The following TSC22D3 variants were observed in gnomAD, a reference collection of about 807,000 sequenced individuals.
The protein encoded by TSC22D3 is TSC22 domain family member 3.
Under a neutral mutation model 11.1 loss-of-function variants are expected in TSC22D3, and 4 were observed. That is an observed-to-expected ratio of 0.36 (90% CI 0.18 to 0.83). The LOEUF (loss-of-function observed/expected upper bound fraction) is 0.83. TSC22D3 is among the 40% of genes least tolerant of loss of function. The pLI, the probability that TSC22D3 is intolerant of heterozygous loss-of-function variation, is 0.48. For synonymous variants in TSC22D3, 77 were observed against 70.3 expected (o/e 1.10, Z -0.48); for missense variants, 118 against 159.4 (o/e 0.74, Z 1.40).
intron 1 of TSC22D3, among the ~76,000 whole-genome samples, chrX:107,755,293 C>G (rs1051020059): frequency 5.3e-5 from 6 of 112,313 alleles, no homozygotes; most frequent in Admixed American, 1.9e-4. Flanking sequence ...AATGTATGAA[C>G]AAAGGACTTT....
At chrX:107,729,868 T>C (rs1490763040) in intron 1 of TSC22D3, among the ~76,000 whole-genome samples, 3 of 112,938 alleles carry the variant, frequency 2.7e-5, no homozygotes, top group Non-Finnish European at 3.7e-5. Context: ...TTAAAATAAG[T>C]GGGCGGAATG....
chrX:107,714,765 T>A lies in TSC22D3; in HGVS notation c.373-16A>T. On this transcript the variant is annotated splice_polypyrimidine_tract_variant and intron_variant, in intron 2 of 2. Coordinates refer to ENST00000372383, the MANE Select transcript of TSC22D3 (RefSeq NM_198057.3). ...TCACCAGATCCTGCCAATGAGGGAA[T>A]CATAACAAAGCCATTCCTTAGCCAT... is the stretch of plus-strand genomic sequence containing the variant. 3 of 1,201,441 alleles carry A rather than the reference T, an allele frequency of 2.5e-6. No individual in the cohort carries two copies. Among genetic ancestry groups the A allele is most frequent in the Non-Finnish European group, 3.4e-6 (3 of 886,516 alleles).
At chrX:107,727,167 G>T (rs946288159) in intron 1 of TSC22D3, among the ~76,000 whole-genome samples, 5 of 112,055 alleles carry the variant, frequency 4.5e-5, no homozygotes, top group Non-Finnish European at 9.4e-5. Context: ...TGATGGGTTT[G>T]GCCTACAGAG....
Position 107,713,430 on chromosome X carries a change from A to G in TSC22D3, c.*1089T>C, listed in dbSNP as rs960863977. On this transcript the variant is annotated 3_prime_UTR_variant, in exon 3 of 3. Transcript: ENST00000372383. Reference sequence around the variant, plus strand: ...ATCCCCTTGTTCATCCCTCATCCACAGTAGGACACCATCCTTCTGTTCACT... The same window carrying G: ...ATCCCCTTGTTCATCCCTCATCCACGGTAGGACACCATCCTTCTGTTCACT... 2 of 112,334 alleles carry G rather than the reference A, an allele frequency of 1.8e-5. No homozygotes were observed. Among genetic ancestry groups the G allele is most frequent in the African/African-American group, 6.5e-5 (2 of 30,722 alleles). The allele number at this position is 112,334 out of a possible 1,213,427, so 9.3% of individuals were successfully genotyped here.
chrX:107,736,951 G>A (rs1349950977), intron 1 of TSC22D3, among the ~76,000 whole-genome samples: 1 of 112,050 alleles, frequency 8.9e-6, no homozygotes. Flanking sequence ...AGAGAGTGGC[G>A]TCAAAGCCCA....
intron 1 of TSC22D3, among the ~76,000 whole-genome samples, chrX:107,748,267 A>G (rs1164626869): frequency 8.9e-6 from 1 of 112,203 alleles, no homozygotes; most frequent in Non-Finnish European, 1.9e-5. Flanking sequence ...CCACTTCTGG[A>G]AAATGAGGGG....
intron 2 of TSC22D3, among the ~76,000 whole-genome samples, chrX:107,715,434 G>C (rs1291821655): frequency 8.9e-6 from 1 of 112,357 alleles, no homozygotes; most frequent in East Asian, 2.8e-4. Context: ...AGCCATTGTG[G>C]CTGCTCCTTG....
intron 1 of TSC22D3, among the ~76,000 whole-genome samples, chrX:107,765,815 C>A (rs1290005928): frequency 8.9e-6 from 1 of 112,382 alleles, no homozygotes; most frequent in Non-Finnish European, 1.9e-5. Flanking sequence ...AATTCTGCAT[C>A]TCCATCTCAG....
At chrX:107,764,979 G>A (rs1929597206) in intron 1 of TSC22D3, among the ~76,000 whole-genome samples, 1 of 112,260 alleles carries the variant, frequency 8.9e-6, no homozygotes, top group African/African-American at 3.2e-5. Context: ...CCCTGTGTCA[G>A]AGAGGGGCAA....
intron 1 of TSC22D3, among the ~76,000 whole-genome samples, chrX:107,757,309 G>A (rs912222311): frequency 9.0e-6 from 1 of 111,690 alleles, no homozygotes; most frequent in Non-Finnish European, 1.9e-5. Context: ...CCGGTCTAAT[G>A]TGGGAGGTCA....
chrX:107,768,939 G>T (rs1301243951), intron 1 of TSC22D3, among the ~76,000 whole-genome samples: 1 of 112,686 alleles, frequency 8.9e-6, no homozygotes, highest in Non-Finnish European at 1.9e-5. Context: ...TTCCCAGGCA[G>T]CACCATCACT....
At chrX:107,721,147 A>G (rs1271658871) in intron 1 of TSC22D3, among the ~76,000 whole-genome samples, 1 of 112,108 alleles carries the variant, frequency 8.9e-6, no homozygotes, top group Non-Finnish European at 1.9e-5. Flanking sequence ...ACATAGTAAC[A>G]AAACAGACAT....
chrX:107,774,550 G>T (rs960373543), intron 1 of TSC22D3, among the ~76,000 whole-genome samples: 2 of 111,334 alleles, frequency 1.8e-5, no homozygotes, highest in Admixed American at 9.5e-5. Context: ...AGAGGCTCAA[G>T]AAATTCTCAC....
chrX:107,772,840 G>A (rs1929964239), intron 1 of TSC22D3, among the ~76,000 whole-genome samples: 2 of 111,571 alleles, frequency 1.8e-5, no homozygotes, highest in South Asian at 7.6e-4. Flanking sequence ...GACAGAGTGA[G>A]ACCCTGTCTC....
intron 1 of TSC22D3, among the ~76,000 whole-genome samples, chrX:107,759,437 T>C (rs1374709181): frequency 1.8e-5 from 2 of 111,674 alleles, no homozygotes; most frequent in Admixed American, 1.9e-4. Flanking sequence ...ATCTTGTCTC[T>C]CCCCTCCCCC....
At chrX:107,743,621 C>T (rs1416659590) in intron 1 of TSC22D3, among the ~76,000 whole-genome samples, 1 of 112,303 alleles carries the variant, frequency 8.9e-6, no homozygotes, top group East Asian at 2.8e-4. Flanking sequence ...GCACTCTAGA[C>T]CCCTTTACTT....
In TSC22D3 at chrX:107,721,830, TG is replaced by T. The variant is rs1927344425; in HGVS notation, c.321-5881del. 8 of 487,183 alleles carry T rather than the reference TG, an allele frequency of 1.6e-5. No individual in the cohort carries two copies. The East Asian group carries it at 2.6e-4, about 16-fold the overall frequency. 40.1% of individuals were successfully genotyped at this position (487,183 alleles called of 1,213,427 possible). A position where few individuals can be genotyped will look rare whatever the true frequency, so the allele number is the denominator to read the frequency against. On this transcript the variant is annotated intron_variant, in intron 1 of 2. Coordinates refer to ENST00000372383, the MANE Select transcript of TSC22D3 (RefSeq NM_198057.3). ...TCCTCCACTACGGGCCCCCTCCATC[TG>T]AAGCACTGTCTAGTTCTAATTACTT...
rs750271058 is a variant in TSC22D3, at chrX:107,769,258, A to G, written c.320+5842T>C. Among the ~76,000 whole-genome samples, 9 of 112,912 alleles carry G rather than the reference A, an allele frequency of 8.0e-5. No individual in the cohort carries two copies. The East Asian group carries it at 2.5e-3, about 31-fold the overall frequency. On this transcript the variant is annotated intron_variant, in intron 1 of 2. Coordinates refer to ENST00000372383, the MANE Select transcript of TSC22D3 (RefSeq NM_198057.3). ...GGCAACAACCTAAGTGTCCACTGAC[A>G]GATGAATGGATAAGCAAAAGAGGTA...
intron 1 of TSC22D3, among the ~76,000 whole-genome samples, chrX:107,768,636 G>A (rs773158292): frequency 8.9e-6 from 1 of 112,178 alleles, no homozygotes; most frequent in Non-Finnish European, 1.9e-5. Flanking sequence ...AACAGCCCAA[G>A]CTAGGCCTTC....
Sources: gnomAD v4.1 joint callset for allele counts (sites outside exome capture counted in the v4.1 genomes callset) on GRCh38, gnomAD v4.1.1 for gene constraint, MANE v1.5 for transcripts, NCBI Gene and HGNC (gene_info 2026-07-23, HGNC 2026-07-21) for gene names.